DNER: variants seen among roughly 807,000 people sequenced by gnomAD.
The protein encoded by DNER is delta and Notch-like epidermal growth factor-related receptor.
Under a neutral mutation model 78.2 loss-of-function variants are expected in DNER, and 33 were observed. The ratio of observed to expected loss-of-function variants is 0.42; its 90% CI spans 0.32 to 0.56. DNER has a LOEUF of 0.56. Ranked by LOEUF, DNER falls within the 20% of genes least tolerant of loss-of-function variation. DNER has a pLI of 0.11. For missense variants in DNER, 918 were observed against 975.3 expected, an observed-to-expected ratio of 0.94 and a Z score of 0.78; for synonymous variants, 417 against 384.8, an observed-to-expected ratio of 1.08 and a Z score of -0.98.
intron 4 of DNER, among the ~76,000 whole-genome samples, chr2:229,549,912 A>AAAT (rs966717321): frequency 9.2e-5 from 14 of 151,768 alleles, no homozygotes; most frequent in Admixed American, 7.2e-4. Flanking sequence ...CTCTGTCTCA[A>AAAT]AATAATAATA....
intron 4 of DNER, among the ~76,000 whole-genome samples, chr2:229,554,927 GA>G (rs1696827091): frequency 0.015 from 721 of 46,562 alleles, 22 homozygotes; most frequent in Middle Eastern, 0.023. Flanking sequence ...GAAGAGAAGA[GA>G]AGAGAAGAGA....
At chr2:229,554,611 GA>G (rs1005690794) in intron 4 of DNER, among the ~76,000 whole-genome samples, 1 of 152,142 alleles carries the variant, frequency 6.6e-6, no homozygotes, top group African/African-American at 2.4e-5. Flanking sequence ...AGAATTGCTT[GA>G]ACCCGGGAGG....
chr2:229,428,273 G>C (rs1353449586), intron 8 of DNER, among the ~76,000 whole-genome samples: 3 of 152,052 alleles, frequency 2.0e-5, no homozygotes, highest in Non-Finnish European at 4.4e-5. Context: ...AGAGGCTGCT[G>C]CAATCGTCTC....
intron 1 of DNER, among the ~76,000 whole-genome samples, chr2:229,669,338 A>C (rs1413113148): frequency 6.6e-6 from 1 of 151,160 alleles, no homozygotes; most frequent in Non-Finnish European, 1.5e-5. Flanking sequence ...CACGTTCCGC[A>C]CATGTATCCC....
chr2:229,472,899 T>A (rs185958066), intron 7 of DNER, among the ~76,000 whole-genome samples: 1 of 152,134 alleles, frequency 6.6e-6, no homozygotes, highest in African/African-American at 2.4e-5. Context: ...AAAATCTCAG[T>A]GTAGAAGGGC....
chr2:229,453,920 TAAAAAAAAAAAA>T (rs10602558), intron 7 of DNER, among the ~76,000 whole-genome samples: 1 of 106,864 alleles, frequency 9.4e-6, no homozygotes, highest in Non-Finnish European at 1.9e-5. Context: ...TAAAATATAT[TAAAAAAAAAAAA>T]AAAAAAAAAA....
intron 6 of DNER, among the ~76,000 whole-genome samples, chr2:229,483,034 C>G (rs1167353586): frequency 6.6e-6 from 1 of 152,186 alleles, no homozygotes; most frequent in Non-Finnish European, 1.5e-5. Flanking sequence ...GTCTCTGGGA[C>G]TCAGGGGCTG....
chr2:229,473,771 A>T (rs1386440408), intron 7 of DNER, among the ~76,000 whole-genome samples: 1 of 152,196 alleles, frequency 6.6e-6, no homozygotes, highest in African/African-American at 2.4e-5. Context: ...CCTACAATGG[A>T]GAAATGGAAA....
chr2:229,550,582 C>T (rs1696714750), intron 4 of DNER, among the ~76,000 whole-genome samples: 2 of 151,932 alleles, frequency 1.3e-5, no homozygotes, highest in East Asian at 3.9e-4. Context: ...CGAGACCATC[C>T]TGGTCAACAT....
chr2:229,420,000 G>C (rs1208882278), intron 8 of DNER, among the ~76,000 whole-genome samples: 1 of 149,636 alleles, frequency 6.7e-6, no homozygotes, highest in Non-Finnish European at 1.5e-5. Flanking sequence ...CTCACAACAA[G>C]ACTATCCAGA....
At chr2:229,602,819 T>G (rs74622106) in intron 1 of DNER, among the ~76,000 whole-genome samples, 4,662 of 152,314 alleles carry the variant, frequency 0.031, 216 homozygotes, top group African/African-American at 0.097. Flanking sequence ...AAACTTGATA[T>G]TAGAAAGACT....
intron 5 of DNER, among the ~76,000 whole-genome samples, chr2:229,532,991 A>T (rs1696334112): frequency 6.6e-6 from 1 of 152,180 alleles, no homozygotes; most frequent in African/African-American, 2.4e-5. Flanking sequence ...GCAGACAAAG[A>T]TGGGGAGTTT....
chr2:229,412,751 G>A (rs182549987), intron 9 of DNER, among the ~76,000 whole-genome samples: 2 of 152,298 alleles, frequency 1.3e-5, no homozygotes, highest in African/African-American at 4.8e-5. Context: ...CGTCAGGAAT[G>A]AAGTTGCAGA....
At chr2:229,399,378 T>C (rs893962718) in intron 10 of DNER, among the ~76,000 whole-genome samples, 9 of 151,720 alleles carry the variant, frequency 5.9e-5, no homozygotes, top group Non-Finnish European at 1.0e-4. Context: ...GGAAAAAATG[T>C]TGATGAAAGA....
chr2:229,570,141 T>C (rs1697189351), intron 4 of DNER, among the ~76,000 whole-genome samples: 1 of 152,220 alleles, frequency 6.6e-6, no homozygotes, highest in African/African-American at 2.4e-5. Context: ...ACTTACAGAA[T>C]AATTCCTCCT....
chr2:229,512,407 G>A (rs894337885), intron 6 of DNER, among the ~76,000 whole-genome samples: 2 of 150,666 alleles, frequency 1.3e-5, no homozygotes, highest in African/African-American at 4.9e-5. Context: ...TTAATTAATG[G>A]CATTCACAGC....
At chr2:229,634,918 C>T (rs890020428) in intron 1 of DNER, among the ~76,000 whole-genome samples, 5 of 152,178 alleles carry the variant, frequency 3.3e-5, no homozygotes, top group African/African-American at 1.2e-4. Flanking sequence ...CCTTCTTCCG[C>T]GAGGTCTTTT....
rs184448796 is a variant in DNER, at chr2:229,588,370, G to C, written c.680+24C>G. 664 of 1,610,010 alleles carry C rather than the reference G, an allele frequency of 4.1e-4. 1 individual carries two copies. The African/African-American group carries it at 7.6e-3, about 18-fold the overall frequency. On this transcript the variant is annotated intron_variant, in intron 3 of 12. Coordinates refer to ENST00000341772, the MANE Select transcript of DNER (RefSeq NM_139072.4). The stretch of plus-strand genomic sequence containing the variant: ...ATAGGTCATAGCATCACTCTTAACA[G>C]TTTGTAACTCAGAATTTTCTTACTT...
At chr2:229,490,765 C>T (rs1054344777) in intron 6 of DNER, among the ~76,000 whole-genome samples, 1 of 152,090 alleles carries the variant, frequency 6.6e-6, no homozygotes, top group African/African-American at 2.4e-5. Flanking sequence ...AAAAAACAAA[C>T]AAACTTTGGA....
Sources: allele counts gnomAD v4.1 joint callset (sites outside exome capture counted in the v4.1 genomes callset), GRCh38; gene constraint gnomAD v4.1.1; transcripts MANE v1.5; gene names NCBI Gene and HGNC (gene_info 2026-07-23, HGNC 2026-07-21).